Variants in SH3GL3 observed in about 807,000 individuals in gnomAD.
The protein encoded by SH3GL3 is SH3 domain containing GRB2 like 3, endophilin A3, also known as endophilin-A3.
A neutral mutation model predicts 47.7 loss-of-function variants in SH3GL3; 33 were observed. That is an observed-to-expected ratio of 0.69 (90% CI 0.52 to 0.92). SH3GL3 has a LOEUF of 0.92. Ranked by LOEUF, SH3GL3 falls within the 40% of genes least tolerant of loss-of-function variation. SH3GL3 has a pLI of 0.00. For synonymous variants in SH3GL3, 155 were observed against 148.8 expected (o/e 1.04, Z -0.30); for missense variants, 363 against 417.8 (o/e 0.87, Z 1.14).
intron 8 of SH3GL3, among the ~76,000 whole-genome samples, chr15:83,610,751 A>T (rs570043200): frequency 6.6e-6 from 1 of 152,154 alleles, no homozygotes; most frequent in African/African-American, 2.4e-5. Context: ...GTACCTACTC[A>T]TAGGATTTCT....
At chr15:83,598,317 C>A (rs912984640) in intron 8 of SH3GL3, among the ~76,000 whole-genome samples, 1 of 152,136 alleles carries the variant, frequency 6.6e-6, no homozygotes. Flanking sequence ...GAGTTTTGAG[C>A]GCCCTTAGAC....
In SH3GL3 at chr15:83,479,062, C is replaced by G. The variant is rs183063701; in HGVS notation, c.45+31484C>G. On this transcript the variant is annotated intron_variant, in intron 1 of 8. Coordinates refer to ENST00000427482, the MANE Select transcript of SH3GL3 (RefSeq NM_003027.5). ...TGTCTCTCAAATCCTCTCTACCCCT[C>G]CATGATATCACACATTTCCGTCGTA... Among the ~76,000 whole-genome samples the G allele has an allele frequency of 3.8e-4, 58 of 152,328 alleles. 1 individual carries two copies. Among genetic ancestry groups the G allele is most frequent in the Non-Finnish European group, 6.3e-4 (43 of 68,036 alleles).
the SH3GL3 span, among the ~76,000 whole-genome samples, chr15:83,630,900 T>C: frequency 0.022 from 3,415 of 152,172 alleles, 127 homozygotes; most frequent in African/African-American, 0.075. Flanking sequence ...CTTAAGGCAT[T>C]CCAGCATTAA....
chr15:83,479,223 G>A (rs2041232493), intron 1 of SH3GL3, among the ~76,000 whole-genome samples: 1 of 152,220 alleles, frequency 6.6e-6, no homozygotes, highest in Non-Finnish European at 1.5e-5. Context: ...AGTAGGTATA[G>A]CCTGATGGTT....
At chr15:83,536,192 C>T (rs1596203485) in intron 1 of SH3GL3, among the ~76,000 whole-genome samples, 1 of 152,142 alleles carries the variant, frequency 6.6e-6, no homozygotes, top group East Asian at 1.9e-4. Context: ...AGTGGGTCCA[C>T]ACTTACAATC....
chr15:83,574,660 T>C (rs2732155), intron 5 of SH3GL3, among the ~76,000 whole-genome samples: 130,168 of 152,110 alleles, frequency 0.86, 56,438 homozygotes, highest in Admixed American at 0.91. Flanking sequence ...GGTGAAGATA[T>C]AGACCCTCAG....
At chr15:83,558,057 C>A (rs1032947708) in intron 1 of SH3GL3, among the ~76,000 whole-genome samples, 4 of 152,154 alleles carry the variant, frequency 2.6e-5, no homozygotes, top group African/African-American at 9.7e-5. Flanking sequence ...AAACAACCTG[C>A]CATCTTTTCA....
chr15:83,556,935 T>C (rs1331765227), intron 1 of SH3GL3, among the ~76,000 whole-genome samples: 1 of 152,140 alleles, frequency 6.6e-6, no homozygotes, highest in Non-Finnish European at 1.5e-5. Flanking sequence ...TCTTTCATTC[T>C]CCAACAAGGC....
intron 6 of SH3GL3, among the ~76,000 whole-genome samples, chr15:83,578,087 A>G (rs148604012): frequency 2.0e-5 from 3 of 152,274 alleles, no homozygotes; most frequent in African/African-American, 4.8e-5. Flanking sequence ...CCAATCTTCT[A>G]TTGTACTGTG....
intron 1 of SH3GL3, among the ~76,000 whole-genome samples, 167 bp from the exon 2 acceptor site, chr15:83,559,086 G>T (rs1443951247): frequency 6.6e-6 from 1 of 152,202 alleles, no homozygotes; most frequent in Non-Finnish European, 1.5e-5. Context: ...ATGTCTTCCT[G>T]TGCCTTTAGA....
chr15:83,560,097 G>A (rs532284402), intron 2 of SH3GL3, among the ~76,000 whole-genome samples: 2 of 152,230 alleles, frequency 1.3e-5, no homozygotes, highest in South Asian at 2.1e-4. Flanking sequence ...TTTAAACATA[G>A]CCTTGTTTTA....
At chr15:83,510,789 TG>T (rs2042714637) in intron 1 of SH3GL3, among the ~76,000 whole-genome samples, 2 of 151,964 alleles carry the variant, frequency 1.3e-5, no homozygotes, top group African/African-American at 4.8e-5. Flanking sequence ...GCAGCCAAAG[TG>T]GAAAAAGGAA....
At chr15:83,567,209 C>G (rs1434359996) in intron 3 of SH3GL3, among the ~76,000 whole-genome samples, 8 of 152,124 alleles carry the variant, frequency 5.3e-5, no homozygotes, top group Non-Finnish European at 1.0e-4. Flanking sequence ...TACTCCTTGT[C>G]CACTGATTAT....
intron 1 of SH3GL3, among the ~76,000 whole-genome samples, chr15:83,542,306 C>A (rs2044206469): frequency 6.6e-6 from 1 of 151,988 alleles, no homozygotes; most frequent in Admixed American, 6.6e-5. Flanking sequence ...TCCCTGGGTT[C>A]TTTGTTTTGT....
Position 83,576,687 on chromosome 15 carries a change from T to G in SH3GL3, c.570T>G (p.Phe190Leu). 2 of 1,613,860 alleles carry G rather than the reference T, an allele frequency of 1.2e-6. No homozygotes were observed. The highest frequency in any genetic ancestry group is 1.7e-6 in the Non-Finnish European group (2 of 1,179,816). Residue 190 changes from phenylalanine (F) to leucine (L), a missense_variant, in exon 6 of 9, where the codon TTT becomes TTG. Physicochemically the swap from Phe to Leu is conservative, Grantham distance 22 (BLOSUM62 0). Transcript: ENST00000427482. ...AAGTCAGACAAGCGGTAGAAAAATT[T>G]GAAGAGTCAAAGGAGTTGGCTGAAA... ...DEEVRQAVEKFEESKELAERS... is the reference protein window; with the variant it reads ...DEEVRQAVEKLEESKELAERS...
Position 83,447,544 on chromosome 15 carries a change from C to G in SH3GL3, c.11C>G (p.Ala4Gly). 1.3e-6 allele frequency: 2 copies of G among 1,505,320 alleles called. No homozygotes were observed. The highest frequency in any genetic ancestry group is 1.8e-6 in the Non-Finnish European group (2 of 1,124,972). 93.2% of individuals were successfully genotyped at this position (1,505,320 alleles called of 1,614,324 possible). The change falls in exon 1 of 9, where the codon GCC (alanine) becomes GGC (glycine). Residue 4 changes from alanine (A) to glycine (G), a missense_variant. Transcript: ENST00000427482. This position sits in a 1 kb window ranked among gnomAD's most constrained non-coding sequence, Gnocchi z 5.1. ...CCGGTCGCAGTCGCGATGTCGGTGG[C>G]CGGGCTGAAGAAGCAGTTCCACAAA... is the stretch of plus-strand genomic sequence containing the variant. MSV[A>G]GLKKQFHKAS... is the part of the protein sequence containing the mutation.
chr15:83,590,691 G>A (rs2060070917), intron 8 of SH3GL3, among the ~76,000 whole-genome samples: 2 of 152,272 alleles, frequency 1.3e-5, no homozygotes, highest in South Asian at 4.1e-4. Context: ...ATCTTTTCAT[G>A]TGTTTATTTG....
Position 83,495,775 on chromosome 15 carries a change from T to C in SH3GL3, c.45+48197T>C, listed in dbSNP as rs562793026. On this transcript the variant is annotated intron_variant, in intron 1 of 8. Transcript: ENST00000427482. The stretch of plus-strand genomic sequence containing the variant: ...ATGTTGCACTAAACATCTTTTTCCA[T>C]GTTAAGGTTGTCTGTCTGTATTTAG... Among the ~76,000 whole-genome samples the C allele has an allele frequency of 5.3e-5, 8 of 152,150 alleles. No homozygotes were observed. In the East Asian group the frequency reaches 1.5e-3, roughly 29 times the overall value.
In SH3GL3 at chr15:83,618,293, T is replaced by A; in HGVS notation, c.*6T>A. Reference sequence around the variant, plus strand: ...TCGTGCCTTTACCTCAGTAAATGTGTAACACAAACTCTGGACATACTTTCG... The same window carrying A: ...TCGTGCCTTTACCTCAGTAAATGTGAAACACAAACTCTGGACATACTTTCG... On this transcript the variant is annotated 3_prime_UTR_variant, in exon 9 of 9. Coordinates refer to ENST00000427482, the MANE Select transcript of SH3GL3 (RefSeq NM_003027.5). 1 of 1,548,554 alleles carries A rather than the reference T, an allele frequency of 6.5e-7. No homozygotes were observed. The highest frequency in any genetic ancestry group is 8.9e-7 in the Non-Finnish European group (1 of 1,120,126).
Sources: gnomAD v4.1 joint callset for allele counts (sites outside exome capture counted in the v4.1 genomes callset) on GRCh38, gnomAD v4.1.1 for gene constraint, Gnocchi (gnomAD v3.1) non-coding constraint, MANE v1.5 for transcripts, NCBI Gene and HGNC (gene_info 2026-07-23, HGNC 2026-07-21) for gene names.